The following TASOR2 variants were observed in gnomAD, a reference collection of about 807,000 sequenced individuals.
TASOR2 encodes transcription activation suppressor family member 2, also known as protein TASOR 2.
Under a neutral mutation model 199.5 loss-of-function variants are expected in TASOR2, and 84 were observed. The observed-to-expected ratio is 0.42, with a 90% CI of 0.35 to 0.50. The LOEUF (loss-of-function observed/expected upper bound fraction) is 0.50, where lower values mean the gene tolerates loss of function less well. Ranked by LOEUF, TASOR2 falls within the 20% of genes least tolerant of loss-of-function variation. The pLI is 0.02. For synonymous variants in TASOR2, 1,103 were observed against 1,046.6 expected (o/e 1.05, Z -1.04); for missense variants, 2,796 against 2,835.9 (o/e 0.99, Z 0.32).
chr10:5,720,165 A>G lies in TASOR2; in HGVS notation c.-99-379A>G, dbSNP rs1022639542. 1.6e-6 allele frequency: 1 copy of G among 617,280 alleles called. No individual in the cohort carries two copies. Among genetic ancestry groups the G allele is most frequent in the Non-Finnish European group, 2.0e-6 (1 of 493,904 alleles). The allele number at this position is 617,280 out of a possible 1,614,324, so 38.2% of individuals were successfully genotyped here. A position where few individuals can be genotyped will look rare whatever the true frequency, so the allele number is the denominator to read the frequency against. On this transcript the variant is annotated intron_variant, in intron 3 of 20. Coordinates refer to ENST00000328090, the Ensembl canonical transcript of TASOR2. The surrounding 1 kb of genome is among the most constrained non-coding windows in gnomAD (Gnocchi z 5.3). ...ATACAGTTACTGTTAGGGGACACAT[A>G]TCTGCATCCTTGTTAGACTACTTCT... is the stretch of plus-strand genomic sequence containing the variant.
chr10:5,726,893 C>T (rs994775628), exon 9 of TASOR2: 1 of 1,613,822 alleles, frequency 6.2e-7, no homozygotes, highest in East Asian at 2.2e-5. Flanking sequence ...AGGCAATCAT[C>T]AAATGCTTAG....
intron 2 of TASOR2, among the ~76,000 whole-genome samples, 198 bp from the exon 4 acceptor site, chr10:5,717,461 C>T (rs1832802617): frequency 1.3e-5 from 2 of 152,002 alleles, no homozygotes; most frequent in Admixed American, 1.3e-4. Context: ...TCTTATGTTT[C>T]GAAAGAGTTG....
rs753259581 is a variant in TASOR2 at position 5,761,485 on chromosome 10, G to A, written c.7174+14G>A. ...TCCTCCTAACAGGTAATTCACAGGC[G>A]CATTTTACTCAGTTAATGCCAAAAT... On this transcript the variant is annotated intron_variant, in intron 19 of 20. Coordinates refer to ENST00000328090, the Ensembl canonical transcript of TASOR2. The A allele has an allele frequency of 2.3e-5, 37 of 1,605,734 alleles. No individual in the cohort carries two copies. Among genetic ancestry groups the A allele is most frequent in the East Asian group, 6.7e-5 (3 of 44,840 alleles).
intron 1 of TASOR2, among the ~76,000 whole-genome samples, chr10:5,708,378 C>A (rs576373342): frequency 6.6e-6 from 1 of 152,240 alleles, no homozygotes; most frequent in African/African-American, 2.4e-5. Flanking sequence ...TCCATGAAAT[C>A]TTTCTTGACA....
intron 12 of TASOR2, among the ~76,000 whole-genome samples, chr10:5,736,164 T>C (rs1387835568): frequency 6.6e-6 from 1 of 152,116 alleles, no homozygotes; most frequent in Non-Finnish European, 1.5e-5. Context: ...CTCACGCCTG[T>C]AATCCCAGCA....
Position 5,740,534 on chromosome 10 carries a change from C to G in TASOR2, c.2327+37C>G, listed in dbSNP as rs974223460. The G allele has an allele frequency of 6.3e-7, 1 of 1,583,298 alleles. No individual in the cohort carries two copies. Among genetic ancestry groups the G allele is most frequent in the Admixed American group, 1.7e-5 (1 of 58,440 alleles). Reference sequence around the variant, plus strand: ...TGAAACTTAGTGAAAATGGATGAAACTTTTCTGTTGAGATGAATGTAGTGA... The same window carrying G: ...TGAAACTTAGTGAAAATGGATGAAAGTTTTCTGTTGAGATGAATGTAGTGA... On this transcript the variant is annotated intron_variant, in intron 13 of 20. Coordinates refer to ENST00000328090, the Ensembl canonical transcript of TASOR2. The surrounding 1 kb of genome is among the most constrained non-coding windows in gnomAD (Gnocchi z 5.3).
chr10:5,693,396 T>C (rs1444525248), intron 1 of TASOR2, among the ~76,000 whole-genome samples: 1 of 152,272 alleles, frequency 6.6e-6, no homozygotes, highest in Non-Finnish European at 1.5e-5. Context: ...CGTGCCGTGA[T>C]TATCTTGGTT....
At chr10:5,747,946 G>C (rs1390951261) in exon 15 of TASOR2, 4 of 1,613,872 alleles carry the variant, frequency 2.5e-6, no homozygotes, top group Non-Finnish European at 3.4e-6. Flanking sequence ...AAGTGAGCAT[G>C]ATGAGGGTTT....
At position 5,689,568 on chromosome 10, in the gene TASOR2, C is replaced by T. The variant is rs111979664; in HGVS notation, c.-288+4393C>T. Among the ~76,000 whole-genome samples, 1,808 of 152,186 alleles carry T rather than the reference C, an allele frequency of 0.012. 18 individuals are homozygous for T. The highest frequency in any genetic ancestry group is 0.018 in the South Asian group (88 of 4,818). ...TGAGCAGAGATCACGCCACTGCACT[C>T]CAGCCTGGGCGACAGAGCAAGACTC... On this transcript the variant is annotated intron_variant, in intron 1 of 20. Coordinates refer to ENST00000328090, the Ensembl canonical transcript of TASOR2. The surrounding 1 kb of genome is among the most constrained non-coding windows in gnomAD (Gnocchi z 4.1).
chr10:5,740,841 A>G lies in TASOR2; in HGVS notation c.2327+344A>G, dbSNP rs1235190903. ...GTGTGAGATTTAGAAATAATGCTTT[A>G]CAGACTGAATTCCAGAAGAAACATT... On this transcript the variant is annotated intron_variant, in intron 13 of 20. Transcript: ENST00000328090. This position sits in a 1 kb window ranked among gnomAD's most constrained non-coding sequence, Gnocchi z 5.3. Among the ~76,000 whole-genome samples, 1 of 152,254 alleles carries G rather than the reference A, an allele frequency of 6.6e-6. No individual in the cohort carries two copies. The highest frequency in any genetic ancestry group is 1.9e-4 in the East Asian group (1 of 5,204).
chr10:5,713,455 C>T (rs370766167), intron 2 of TASOR2, among the ~76,000 whole-genome samples: 6 of 151,840 alleles, frequency 4.0e-5, no homozygotes, highest in African/African-American at 1.2e-4. Flanking sequence ...GTATGGCTTC[C>T]GAGATACATT....
chr10:5,714,110 A>T (rs1832292952), intron 2 of TASOR2, 25 bp from the exon 3 acceptor site: 1 of 1,207,494 alleles, frequency 8.3e-7, no homozygotes, highest in Non-Finnish European at 1.0e-6. Flanking sequence ...TCAAAGACTG[A>T]AGCAAAGTAA....
chr10:5,752,222 A>C lies in TASOR2; in HGVS notation c.6606+2195A>C, dbSNP rs938809203. 6.6e-6 allele frequency among the ~76,000 whole-genome samples: 1 copy of C among 152,192 alleles called. No homozygotes were observed. Among genetic ancestry groups the C allele is most frequent in the South Asian group, 2.1e-4 (1 of 4,828 alleles). On this transcript the variant is annotated intron_variant, in intron 15 of 20. Coordinates refer to ENST00000328090, the Ensembl canonical transcript of TASOR2. The surrounding 1 kb of genome is among the most constrained non-coding windows in gnomAD (Gnocchi z 4.4). ...TTTTTGTCATGATTCTTATAGTCTA[A>C]TGGGACAAGGAAAACACTGATTAAA...
chr10:5,747,087 C>G (rs1273891903), exon 15 of TASOR2: 1 of 1,614,080 alleles, frequency 6.2e-7, no homozygotes, highest in Non-Finnish European at 8.5e-7. Flanking sequence ...GTTCACTTAA[C>G]TGCATTTCGT....
intron 8 of TASOR2, among the ~76,000 whole-genome samples, chr10:5,726,266 A>G (rs1179691479): frequency 2.0e-5 from 3 of 152,240 alleles, no homozygotes; most frequent in East Asian, 3.8e-4. Flanking sequence ...TACTGAAAGC[A>G]TTAAAATTTC....
At chr10:5,700,551 C>T (rs1175336658) in intron 1 of TASOR2, among the ~76,000 whole-genome samples, 1 of 152,234 alleles carries the variant, frequency 6.6e-6, no homozygotes, top group Non-Finnish European at 1.5e-5. Context: ...TTTCTACCAG[C>T]AGTGTATAAG....
rs970417402 is a variant in TASOR2 at position 5,707,738 on chromosome 10, A to G, written c.-287-5085A>G. Among the ~76,000 whole-genome samples the G allele has an allele frequency of 4.3e-3, 194 of 45,580 alleles. 2 individuals are homozygous for G. Among genetic ancestry groups the G allele is most frequent in the African/African-American group, 8.0e-3 (182 of 22,746 alleles). The allele number at this position is 45,580 out of a possible 152,430, so 29.9% of individuals were successfully genotyped here. A position where few individuals can be genotyped will look rare whatever the true frequency, so the allele number is the denominator to read the frequency against. The stretch of plus-strand genomic sequence containing the variant: ...CCCTCACTCATTTTCACACACACAC[A>G]CACACACACACACACACACACACAC... On this transcript the variant is annotated intron_variant, in intron 1 of 20. Coordinates refer to ENST00000328090, the Ensembl canonical transcript of TASOR2.
chr10:5,716,460 G>A (rs575931982), intron 2 of TASOR2, among the ~76,000 whole-genome samples: 27 of 152,198 alleles, frequency 1.8e-4, no homozygotes, highest in African/African-American at 6.0e-4. Flanking sequence ...TCTTCTAAGG[G>A]ACGTTAAAAG....
chr10:5,712,995 G>A (rs1272669193), intron 2 of TASOR2, 77 bp downstream of exon 2: 1 of 703,854 alleles, frequency 1.4e-6, no homozygotes, highest in Non-Finnish European at 2.0e-6. Flanking sequence ...TGTAAGAGTT[G>A]TAAGATTACC....
Sources: gnomAD v4.1 joint callset for allele counts (sites outside exome capture counted in the v4.1 genomes callset) on GRCh38, gnomAD v4.1.1 for gene constraint, Gnocchi (gnomAD v3.1) non-coding constraint, MANE v1.5 for transcripts, NCBI Gene and HGNC (gene_info 2026-07-23, HGNC 2026-07-21) for gene names.